RAPGEF6: variants seen among roughly 807,000 people sequenced by gnomAD.
The protein encoded by RAPGEF6 is Rap guanine nucleotide exchange factor 6.
Under a neutral mutation model 171.4 loss-of-function variants are expected in RAPGEF6, and 56 were observed. The observed-to-expected ratio is 0.33, with a 90% CI of 0.26 to 0.41. The LOEUF is 0.41. Among genes scored for constraint, RAPGEF6 ranks in the 10% least tolerant of loss-of-function variants. The probability of loss-of-function intolerance (pLI) is 1.00; values close to 1 mark genes in which losing one functional copy is unlikely to be tolerated. For synonymous variants in RAPGEF6, 692 were observed against 650.1 expected, an observed-to-expected ratio of 1.06 and a Z score of -0.98; for missense variants, 1,674 against 1,921.4, an observed-to-expected ratio of 0.87 and a Z score of 2.41.
At chr5:131,511,650 C>T (rs970472712) in intron 7 of RAPGEF6, among the ~76,000 whole-genome samples, 2 of 151,966 alleles carry the variant, frequency 1.3e-5, no homozygotes, top group African/African-American at 4.8e-5. Context: ...GTATGCACCA[C>T]CCTACCCAAC....
At chr5:131,578,222 C>T (rs1345792963) in intron 4 of RAPGEF6, among the ~76,000 whole-genome samples, 1 of 151,970 alleles carries the variant, frequency 6.6e-6, no homozygotes, top group East Asian at 1.9e-4. Flanking sequence ...TTATCCCTGC[C>T]CCTATTCTCC....
chr5:131,429,601 CT>C (rs1751575044), intron 26 of RAPGEF6, among the ~76,000 whole-genome samples: 1 of 152,120 alleles, frequency 6.6e-6, no homozygotes, highest in South Asian at 2.1e-4. Flanking sequence ...AACTGGGAGA[CT>C]TTACATAGAA....
rs1173778025 is a variant in RAPGEF6, at chr5:131,425,950, T to TA, written c.*1315dup. 4 of 147,832 alleles carry TA rather than the reference T, an allele frequency of 2.7e-5. No homozygotes were observed. The highest frequency in any genetic ancestry group is 1.0e-4 in the African/African-American group (4 of 39,670). The allele number at this position is 147,832 out of a possible 1,614,324, so 9.2% of individuals were successfully genotyped here. A position where few individuals can be genotyped will look rare whatever the true frequency, so the allele number is the denominator to read the frequency against. ...ATTAAAATTTCACTTGCTTTTACAT[T>TA]AAAAAAACTGAAAAAATTAAACTTA... On this transcript the variant is annotated 3_prime_UTR_variant, in exon 28 of 28. Transcript: ENST00000509018.
intron 4 of RAPGEF6, among the ~76,000 whole-genome samples, chr5:131,571,511 T>G: frequency 6.6e-6 from 1 of 152,134 alleles, no homozygotes; most frequent in East Asian, 1.9e-4. Flanking sequence ...AGATGTAAGA[T>G]CAGCATATAC....
chr5:131,540,498 C>T (rs1760064054), intron 6 of RAPGEF6, among the ~76,000 whole-genome samples: 1 of 152,154 alleles, frequency 6.6e-6, no homozygotes, highest in Non-Finnish European at 1.5e-5. Flanking sequence ...GGAGTTTGAG[C>T]TTATGGTGAA....
At chr5:131,443,909 T>G (rs574231398) in intron 22 of RAPGEF6, among the ~76,000 whole-genome samples, 1 of 152,350 alleles carries the variant, frequency 6.6e-6, no homozygotes, top group African/African-American at 2.4e-5. Flanking sequence ...GACAGTGCTT[T>G]TATAAATCCA....
intron 7 of RAPGEF6, among the ~76,000 whole-genome samples, chr5:131,512,442 C>T (rs1757801322): frequency 6.6e-6 from 1 of 151,136 alleles, no homozygotes; most frequent in Middle Eastern, 3.2e-3. Context: ...GATCACAGCT[C>T]ACTGTAGCCT....
At chr5:131,482,224 A>G (rs1024981002) in intron 15 of RAPGEF6, among the ~76,000 whole-genome samples, 2 of 152,220 alleles carry the variant, frequency 1.3e-5, no homozygotes, top group Non-Finnish European at 2.9e-5. Context: ...AATATTTAAC[A>G]AATTTCACTT....
At chr5:131,580,129 GT>G (rs1762857007) in intron 4 of RAPGEF6, among the ~76,000 whole-genome samples, 1 of 1,532 alleles carries the variant, frequency 6.5e-4, no homozygotes, top group East Asian at 0.12. Context: ...GGAGCCCACT[GT>G]GGGGGGGGGC....
intron 26 of RAPGEF6, among the ~76,000 whole-genome samples, 169 bp from the exon 27 acceptor site, chr5:131,429,385 CCT>C (rs1024652637): frequency 3.9e-5 from 6 of 152,038 alleles, no homozygotes; most frequent in East Asian, 1.9e-4. Flanking sequence ...AATAAACAAA[CCT>C]CTTTTTAAAA....
intron 1 of RAPGEF6, among the ~76,000 whole-genome samples, chr5:131,615,352 G>A (rs17170474): frequency 0.036 from 5,420 of 152,266 alleles, 117 homozygotes; most frequent in East Asian, 0.11. Flanking sequence ...GGACAGCATG[G>A]AGTTGTGGAG....
intron 7 of RAPGEF6, among the ~76,000 whole-genome samples, chr5:131,517,114 A>G (rs950105693): frequency 3.3e-5 from 5 of 152,182 alleles, no homozygotes; most frequent in African/African-American, 1.2e-4. Context: ...ACTGGGGTCT[A>G]TTAGGGCAGG....
At chr5:131,600,104 T>C (rs576340985) in intron 3 of RAPGEF6, among the ~76,000 whole-genome samples, 3 of 152,364 alleles carry the variant, frequency 2.0e-5, no homozygotes, top group Admixed American at 6.5e-5. Context: ...TCAAAAAATA[T>C]ATCACAACAG....
At chr5:131,603,599 A>G (rs73788713) in intron 2 of RAPGEF6, among the ~76,000 whole-genome samples, 4,084 of 152,154 alleles carry the variant, frequency 0.027, 196 homozygotes, top group African/African-American at 0.093. Context: ...CACACCAAAT[A>G]ATGTTTTCAT....
intron 14 of RAPGEF6, among the ~76,000 whole-genome samples, chr5:131,492,162 T>C (rs1756327426): frequency 6.6e-6 from 1 of 152,204 alleles, no homozygotes; most frequent in Admixed American, 6.5e-5. Flanking sequence ...ATGATTACCA[T>C]AACCTTCAGT....
At chr5:131,477,684 T>G (rs31239) in intron 16 of RAPGEF6, among the ~76,000 whole-genome samples, 96,810 of 152,022 alleles carry the variant, frequency 0.64, 32,587 homozygotes, top group Non-Finnish European at 0.77. Flanking sequence ...GAGAATGTGA[T>G]AGTAACAAGT....
intron 11 of RAPGEF6, among the ~76,000 whole-genome samples, chr5:131,503,594 T>A (rs747246190): frequency 3.3e-5 from 5 of 152,152 alleles, no homozygotes; most frequent in Non-Finnish European, 7.4e-5. Context: ...CTCCCTCATA[T>A]TATTAAGTAA....
chr5:131,530,676 A>T (rs1201430678), intron 6 of RAPGEF6, among the ~76,000 whole-genome samples: 2 of 152,226 alleles, frequency 1.3e-5, no homozygotes, highest in Non-Finnish European at 1.5e-5. Context: ...AATCCTGCTC[A>T]TATAATGTTT....
chr5:131,594,347 T>C (rs1191939093), intron 3 of RAPGEF6, among the ~76,000 whole-genome samples: 1 of 152,270 alleles, frequency 6.6e-6, no homozygotes, highest in Non-Finnish European at 1.5e-5. Context: ...GTGTTGGGCC[T>C]GCGGGTACGC....
Sources: gnomAD v4.1 joint callset for allele counts (sites outside exome capture counted in the v4.1 genomes callset) on GRCh38, gnomAD v4.1.1 for gene constraint, MANE v1.5 for transcripts, NCBI Gene and HGNC (gene_info 2026-07-23, HGNC 2026-07-21) for gene names.